JAKMIP1: variants seen among roughly 807,000 people sequenced by gnomAD.
JAKMIP1 encodes the protein janus kinase and microtubule interacting protein 1.
In JAKMIP1, 33 loss-of-function variants were observed where a neutral mutation model predicts 113.0. That is an observed-to-expected ratio of 0.29 (90% CI 0.22 to 0.39). JAKMIP1 has a LOEUF of 0.39. JAKMIP1 is among the 10% of genes least tolerant of loss of function. The pLI, the probability that JAKMIP1 is intolerant of heterozygous loss-of-function variation, is 1.00. For synonymous variants in JAKMIP1, 480 were observed against 459.9 expected, an observed-to-expected ratio of 1.04 and a Z score of -0.56; for missense variants, 813 against 1,080.5, an observed-to-expected ratio of 0.75 and a Z score of 3.47.
chr4:6,198,805 T>A (rs1397565914), intron 1 of JAKMIP1, among the ~76,000 whole-genome samples: 1 of 152,162 alleles, frequency 6.6e-6, no homozygotes, highest in African/African-American at 2.4e-5. Context: ...CCATCCCAGC[T>A]AGTGGAGCCA....
intron 4 of JAKMIP1, among the ~76,000 whole-genome samples, chr4:6,085,190 G>A (rs946007344): frequency 2.6e-5 from 4 of 151,822 alleles, no homozygotes; most frequent in Non-Finnish European, 5.9e-5. Flanking sequence ...GGCTCCCTGG[G>A]GCCCTTGTGG....
intron 3 of JAKMIP1, among the ~76,000 whole-genome samples, chr4:6,100,688 C>T (rs1712861182): frequency 6.6e-6 from 1 of 152,058 alleles, no homozygotes. Context: ...ATTTTAAAGT[C>T]CTATCAGAAT....
rs1182495687 is a variant in JAKMIP1 at position 6,116,131 on chromosome 4, G to A, written c.-147-3134C>T. ...GGAGGGGAAGATGTCCAAAGTTCTGGGCCAAGTCAATCTCGGAGCTCAGGG... is the reference window on the plus strand; with the variant it reads ...GGAGGGGAAGATGTCCAAAGTTCTGAGCCAAGTCAATCTCGGAGCTCAGGG... On this transcript the variant is annotated intron_variant, in intron 1 of 20. Transcript: ENST00000409021. The surrounding 1 kb of genome is among the most constrained non-coding windows in gnomAD (Gnocchi z 5.1). 1.3e-5 allele frequency among the ~76,000 whole-genome samples: 2 copies of A among 152,026 alleles called. No homozygotes were observed. Among genetic ancestry groups the A allele is most frequent in the East Asian group, 1.9e-4 (1 of 5,186 alleles).
At chr4:6,128,576 C>T (rs73198072) in intron 1 of JAKMIP1, among the ~76,000 whole-genome samples, 14,817 of 152,182 alleles carry the variant, frequency 0.097, 942 homozygotes, top group Middle Eastern at 0.21. Flanking sequence ...AAAAAATGAA[C>T]GGATCCATTG....
rs946348673 is a variant in JAKMIP1, at chr4:6,138,780, G to A, written c.-147-25783C>T. 1.3e-5 allele frequency among the ~76,000 whole-genome samples: 2 copies of A among 152,102 alleles called. No homozygotes were observed. Among genetic ancestry groups the A allele is most frequent in the African/African-American group, 4.8e-5 (2 of 41,370 alleles). On this transcript the variant is annotated intron_variant, in intron 1 of 20. Transcript: ENST00000409021. The surrounding 1 kb of genome is among the most constrained non-coding windows in gnomAD (Gnocchi z 6.0). Reference sequence around the variant, plus strand: ...TTGTTAGCTGTTTGTCCTGGGGCAGGTGCCTTGTCCTCCCTGAGCTTCAGT... The same window carrying A: ...TTGTTAGCTGTTTGTCCTGGGGCAGATGCCTTGTCCTCCCTGAGCTTCAGT...
rs1406715220 is a variant in JAKMIP1, at chr4:6,121,956, T to C, written c.-147-8959A>G. ...CGTACATACAGCATACTACAGTGTA[T>C]ATGTACATATAATGTGTATATATAC... On this transcript the variant is annotated intron_variant, in intron 1 of 20. Transcript: ENST00000409021. Among the ~76,000 whole-genome samples, 4 of 152,330 alleles carry C rather than the reference T, an allele frequency of 2.6e-5. No individual in the cohort carries two copies. The East Asian group carries it at 7.7e-4, about 29-fold the overall frequency.
chr4:6,040,707 T>C lies in JAKMIP1; in HGVS notation c.2107A>G (p.Ser703Gly). The C allele has an allele frequency of 6.2e-7, 1 of 1,613,250 alleles. No homozygotes were observed. The highest frequency in any genetic ancestry group is 8.5e-7 in the Non-Finnish European group (1 of 1,179,524). The change falls in exon 18 of 21, where the codon AGC (serine) becomes GGC (glycine). Residue 703 changes from serine to glycine, a missense_variant. Coordinates refer to ENST00000409021, the MANE Select transcript of JAKMIP1 (RefSeq NM_001099433.2). The surrounding 1 kb of genome is among the most constrained non-coding windows in gnomAD (Gnocchi z 5.8). ...TCTTCCAGGTAGCCCTTCTGCCTGC[T>C]GAACAGGTCCTGAGAAAGAGGGAGG... ...LDLEKEKDLF[S>G]RQKGYLEEEL...
At chr4:6,171,587 C>A (rs1022786931) in intron 1 of JAKMIP1, among the ~76,000 whole-genome samples, 3 of 138,526 alleles carry the variant, frequency 2.2e-5, no homozygotes, top group Non-Finnish European at 5.0e-5. Flanking sequence ...TAAACCGTCT[C>A]GATCCCCCCC....
chr4:6,085,701 C>A, intron 3 of JAKMIP1, 72 bp from the exon 4 acceptor site: 1 of 1,429,314 alleles, frequency 7.0e-7, no homozygotes, highest in Non-Finnish European at 9.7e-7. Flanking sequence ...CAAATTGGGG[C>A]CTTCGGCCCA....
Position 6,088,742 on chromosome 4 carries a change from A to C in JAKMIP1, c.625-3113T>G, listed in dbSNP as rs1578199770. 6.6e-6 allele frequency among the ~76,000 whole-genome samples: 1 copy of C among 152,128 alleles called. No individual in the cohort carries two copies. Among genetic ancestry groups the C allele is most frequent in the African/African-American group, 2.4e-5 (1 of 41,432 alleles). Reference sequence around the variant, plus strand: ...TTCACTGACTTTACTCCTGGATCACAAGCTGAGCTCTTAGTGATCCTATCT... The same window carrying C: ...TTCACTGACTTTACTCCTGGATCACCAGCTGAGCTCTTAGTGATCCTATCT... On this transcript the variant is annotated intron_variant, in intron 3 of 20. Coordinates refer to ENST00000409021, the MANE Select transcript of JAKMIP1 (RefSeq NM_001099433.2). The surrounding 1 kb of genome is among the most constrained non-coding windows in gnomAD (Gnocchi z 5.5).
intron 3 of JAKMIP1, among the ~76,000 whole-genome samples, chr4:6,098,277 A>G (rs910861467): frequency 6.6e-6 from 1 of 152,196 alleles, no homozygotes; most frequent in Non-Finnish European, 1.5e-5. Context: ...CTAAAAATAC[A>G]AAAGAATTAG....
intron 8 of JAKMIP1, among the ~76,000 whole-genome samples, chr4:6,066,861 G>T (rs999569219): frequency 1.3e-5 from 2 of 152,038 alleles, no homozygotes; most frequent in Admixed American, 6.6e-5. Flanking sequence ...CTCCCATCCT[G>T]CCCTGGCATC....
intron 1 of JAKMIP1, among the ~76,000 whole-genome samples, chr4:6,130,602 A>G (rs1004704374): frequency 5.3e-5 from 8 of 152,244 alleles, no homozygotes; most frequent in Admixed American, 2.6e-4. Context: ...TAAGAGAACT[A>G]CGATTAATAT....
intron 19 of JAKMIP1, among the ~76,000 whole-genome samples, chr4:6,033,562 T>C (rs1336729232): frequency 6.6e-6 from 1 of 152,204 alleles, no homozygotes; most frequent in African/African-American, 2.4e-5. Flanking sequence ...TGTGTGTTGA[T>C]TGTACCCATT....
At chr4:6,113,757 C>G (rs996405488) in intron 1 of JAKMIP1, among the ~76,000 whole-genome samples, 1 of 152,200 alleles carries the variant, frequency 6.6e-6, no homozygotes, top group Non-Finnish European at 1.5e-5. Context: ...GTCTCCTTCT[C>G]GTTTTCCATC....
At chr4:6,041,890 G>A (rs970427661) in intron 17 of JAKMIP1, among the ~76,000 whole-genome samples, 19 of 152,148 alleles carry the variant, frequency 1.2e-4, no homozygotes, top group African/African-American at 4.1e-4. Flanking sequence ...CTGGTGGCAG[G>A]GACCCCACTT....
At position 6,186,276 on chromosome 4, in the gene JAKMIP1, A is replaced by T. The variant is rs1726647870; in HGVS notation, c.-148+13977T>A. Among the ~76,000 whole-genome samples the T allele has an allele frequency of 6.6e-6, 1 of 152,218 alleles. No homozygotes were observed. Among genetic ancestry groups the T allele is most frequent in the Non-Finnish European group, 1.5e-5 (1 of 68,036 alleles). ...GGGTGGGGAAGTCCAAGGAATGGGCATTCCAGGAAAGTGGGATGGTGAGCA... is the reference window on the plus strand; with the variant it reads ...GGGTGGGGAAGTCCAAGGAATGGGCTTTCCAGGAAAGTGGGATGGTGAGCA... On this transcript the variant is annotated intron_variant, in intron 1 of 20. Coordinates refer to ENST00000409021, the MANE Select transcript of JAKMIP1 (RefSeq NM_001099433.2). This position sits in a 1 kb window ranked among gnomAD's most constrained non-coding sequence, Gnocchi z 5.5.
chr4:6,125,847 ACCCCC>A (rs1406073478), intron 1 of JAKMIP1, among the ~76,000 whole-genome samples: 11 of 15,790 alleles, frequency 7.0e-4, no homozygotes, highest in Non-Finnish European at 1.0e-3. Flanking sequence ...ACACACACAC[ACCCCC>A]CATACAGAAA....
intron 3 of JAKMIP1, among the ~76,000 whole-genome samples, chr4:6,098,625 AAG>A (rs200675622): frequency 1.3e-5 from 2 of 148,710 alleles, no homozygotes; most frequent in Non-Finnish European, 3.0e-5. Flanking sequence ...GAAAAAGAAA[AAG>A]AAAGAAAGAA....
Sources: allele counts gnomAD v4.1 joint callset (sites outside exome capture counted in the v4.1 genomes callset), GRCh38; gene constraint gnomAD v4.1.1; non-coding constraint Gnocchi (gnomAD v3.1); transcripts MANE v1.5; gene names NCBI Gene and HGNC (gene_info 2026-07-23, HGNC 2026-07-21).